The following CNTN4 variants were observed in gnomAD, a reference collection of about 807,000 sequenced individuals.
The protein encoded by CNTN4 is contactin-4.
In CNTN4, 77 loss-of-function variants were observed where a neutral mutation model predicts 122.5. The ratio of observed to expected loss-of-function variants is 0.63; its 90% CI spans 0.52 to 0.76. The LOEUF (loss-of-function observed/expected upper bound fraction) is 0.76. CNTN4 is among the 30% of genes least tolerant of loss of function. The probability of loss-of-function intolerance (pLI) is 0.00; values close to 1 mark genes in which losing one functional copy is unlikely to be tolerated. For missense variants in CNTN4, 1,256 were observed against 1,259.1 expected (o/e 1.00, Z 0.04); for synonymous variants, 512 against 447.0 (o/e 1.15, Z -1.83).
chr3:3,034,171 A>G (rs913159960), intron 16 of CNTN4, among the ~76,000 whole-genome samples: 1 of 152,194 alleles, frequency 6.6e-6, no homozygotes, highest in Non-Finnish European at 1.5e-5. Context: ...GCTTAAATCT[A>G]TATTCTCAGT....
At chr3:2,850,097 C>G (rs1334878749) in intron 7 of CNTN4, among the ~76,000 whole-genome samples, 1 of 150,518 alleles carries the variant, frequency 6.6e-6, no homozygotes, top group Non-Finnish European at 1.5e-5. Flanking sequence ...TCAAGTGATT[C>G]TCCTGCCTCA....
At chr3:2,341,036 C>G (rs886892421) in intron 3 of CNTN4, among the ~76,000 whole-genome samples, 3 of 152,060 alleles carry the variant, frequency 2.0e-5, no homozygotes, top group African/African-American at 4.8e-5. Flanking sequence ...TTTCTTAAGG[C>G]AGCAACATTA....
At chr3:2,638,885 G>A (rs11705859) in intron 4 of CNTN4, among the ~76,000 whole-genome samples, 32,027 of 151,958 alleles carry the variant, frequency 0.21, 3,646 homozygotes, top group African/African-American at 0.28. Context: ...TTTAACATAT[G>A]TTCAGAACCC....
At chr3:2,634,658 A>G (rs939406178) in intron 4 of CNTN4, among the ~76,000 whole-genome samples, 100 of 140,666 alleles carry the variant, frequency 7.1e-4, no homozygotes, top group African/African-American at 2.5e-3. Context: ...GTGAAACCCC[A>G]TCTCTACTAA....
At chr3:2,504,420 G>A (rs774079616) in intron 3 of CNTN4, among the ~76,000 whole-genome samples, 4 of 152,100 alleles carry the variant, frequency 2.6e-5, no homozygotes, top group Non-Finnish European at 5.9e-5. Context: ...TTCCTCAATG[G>A]CATCTGTTGC....
chr3:2,359,890 T>G (rs1439967839), intron 3 of CNTN4, among the ~76,000 whole-genome samples: 1 of 152,200 alleles, frequency 6.6e-6, no homozygotes, highest in African/African-American at 2.4e-5. Context: ...ACAGATATTT[T>G]GGAGTTTCTA....
At chr3:2,896,343 C>T (rs766749564) in intron 10 of CNTN4, among the ~76,000 whole-genome samples, 1 of 152,060 alleles carries the variant, frequency 6.6e-6, no homozygotes, top group Non-Finnish European at 1.5e-5. Flanking sequence ...GAAGGGAGTG[C>T]CTTCCAAGAA....
intron 6 of CNTN4, among the ~76,000 whole-genome samples, chr3:2,745,992 ATAAATTTATG>A (rs2089733221): frequency 7.3e-6 from 1 of 136,060 alleles, no homozygotes; most frequent in African/African-American, 2.8e-5. Context: ...TGACACATGT[ATAAATTTATG>A]TAAACAACAA....
chr3:2,585,661 G>A (rs4685532), intron 4 of CNTN4, among the ~76,000 whole-genome samples: 122,240 of 145,556 alleles, frequency 0.84, 51,471 homozygotes, highest in East Asian at 0.99. Flanking sequence ...GACACAGGAA[G>A]GGGAACATCA....
chr3:2,384,133 G>C (rs998072031), intron 3 of CNTN4, among the ~76,000 whole-genome samples: 1 of 152,076 alleles, frequency 6.6e-6, no homozygotes, highest in Non-Finnish European at 1.5e-5. Flanking sequence ...CTAATGAATT[G>C]AGCTTACAGC....
intron 2 of CNTN4, among the ~76,000 whole-genome samples, chr3:2,134,935 C>T (rs183420928): frequency 8.5e-5 from 13 of 152,296 alleles, no homozygotes; most frequent in African/African-American, 2.9e-4. Context: ...AAAATATCCT[C>T]ACAGACACAC....
At chr3:2,272,819 T>G (rs2041354752) in intron 2 of CNTN4, among the ~76,000 whole-genome samples, 1 of 151,994 alleles carries the variant, frequency 6.6e-6, no homozygotes, top group African/African-American at 2.4e-5. Flanking sequence ...CCTTTTTTTT[T>G]TTATTTAACC....
chr3:2,870,591 A>G (rs923069526), intron 8 of CNTN4, among the ~76,000 whole-genome samples: 1 of 152,186 alleles, frequency 6.6e-6, no homozygotes, highest in Non-Finnish European at 1.5e-5. Flanking sequence ...TGGTGACTGT[A>G]TATTAGACTG....
intron 14 of CNTN4, among the ~76,000 whole-genome samples, chr3:3,019,844 T>C (rs1698135129): frequency 6.7e-6 from 1 of 149,264 alleles, no homozygotes; most frequent in African/African-American, 2.5e-5. Context: ...ACATATATTG[T>C]ATATGGGGGA....
intron 4 of CNTN4, among the ~76,000 whole-genome samples, chr3:2,729,709 T>G (rs1195108645): frequency 1.3e-5 from 2 of 151,972 alleles, no homozygotes; most frequent in Non-Finnish European, 2.9e-5. Flanking sequence ...GGTCAGGAGT[T>G]CGAGACCGGC....
intron 2 of CNTN4, among the ~76,000 whole-genome samples, chr3:2,146,096 A>ATTTATC (rs2035235108): frequency 2.6e-4 from 1 of 3,842 alleles, no homozygotes. Context: ...CATTATTTCA[A>ATTTATC]TTTATTTTAT....
chr3:2,340,715 A>AGAGAGAGAGGGAGG (rs2044173794), intron 3 of CNTN4, among the ~76,000 whole-genome samples: 1 of 129,448 alleles, frequency 7.7e-6, no homozygotes, highest in African/African-American at 2.8e-5. Flanking sequence ...ATATATAGAG[A>AGAGAGAGAGGGAGG]GAGAGAGAGA....
chr3:3,018,160 A>G (rs1697943550), intron 14 of CNTN4, among the ~76,000 whole-genome samples: 2 of 152,210 alleles, frequency 1.3e-5, no homozygotes, highest in Non-Finnish European at 2.9e-5. Flanking sequence ...TTATTCTCTA[A>G]AAACTAAATA....
chr3:2,264,183 A>G (rs1162634327), intron 2 of CNTN4, among the ~76,000 whole-genome samples: 2 of 152,104 alleles, frequency 1.3e-5, no homozygotes, highest in African/African-American at 4.8e-5. Flanking sequence ...TTTTTGAGGA[A>G]ACTCCTTACT....
Sources: gnomAD v4.1 joint callset for allele counts (sites outside exome capture counted in the v4.1 genomes callset) on GRCh38, gnomAD v4.1.1 for gene constraint, MANE v1.5 for transcripts, NCBI Gene and HGNC (gene_info 2026-07-23, HGNC 2026-07-21) for gene names.